The following RFX4 variants were observed in gnomAD, a reference collection of about 807,000 sequenced individuals.
RFX4 encodes the protein regulatory factor X4, also known as transcription factor RFX4.
RFX4 carries 10 observed loss-of-function variants against 95.0 expected under a neutral mutation model. The observed-to-expected ratio is 0.11, with a 90% CI of 0.06 to 0.18. RFX4 has a LOEUF of 0.18. RFX4 is among the 10% of genes least tolerant of loss of function. RFX4 has a pLI of 1.00. For missense variants in RFX4, 640 were observed against 922.0 expected (o/e 0.69, Z 3.96); for synonymous variants, 321 against 340.7 (o/e 0.94, Z 0.64).
intron 2 of RFX4, among the ~76,000 whole-genome samples, chr12:106,631,501 G>A (rs2040415349): frequency 6.6e-6 from 1 of 152,168 alleles, no homozygotes; most frequent in South Asian, 2.1e-4. Flanking sequence ...ATGAGGCTTT[G>A]GGGAAGGGTT....
chr12:106,720,788 G>T lies in RFX4; in HGVS notation c.1263G>T (p.Lys421Asn). 6.2e-7 allele frequency: 1 copy of T among 1,613,990 alleles called. No homozygotes were observed. Among genetic ancestry groups the T allele is most frequent in the Non-Finnish European group, 8.5e-7 (1 of 1,180,050 alleles). The stretch of plus-strand genomic sequence containing the variant: ...CTGCCAAGAGACAAGGGTCCTTGAA[G>T]AAAGTGGCCCAGCAGTTCCTCTTGA... ...KVAAKRQGSL[K>N]KVAQQFLLMW... is the part of the protein sequence containing the mutation. Residue 421 changes from lysine (K) to asparagine (N), a missense_variant, in exon 13 of 18, where the codon AAG becomes AAT. This residue lies in a region of RFX4 where 72 missense variants were observed against 80.5 expected (regional missense o/e 0.89). Coordinates refer to ENST00000392842, the MANE Select transcript of RFX4 (RefSeq NM_213594.3). This position sits in a 1 kb window ranked among gnomAD's most constrained non-coding sequence, Gnocchi z 4.2.
chr12:106,705,909 G>C (rs927513220), intron 8 of RFX4, among the ~76,000 whole-genome samples: 13 of 152,180 alleles, frequency 8.5e-5, no homozygotes, highest in Non-Finnish European at 4.4e-5. Context: ...AACAGACATA[G>C]TCCCTGCCCT....
intron 2 of RFX4, among the ~76,000 whole-genome samples, chr12:106,612,072 G>A (rs1037293578): frequency 6.6e-6 from 1 of 152,068 alleles, no homozygotes; most frequent in African/African-American, 2.4e-5. Context: ...TTTCAAGATT[G>A]TTTTGGCTAT....
chr12:106,625,977 C>T (rs1484996748), intron 2 of RFX4, among the ~76,000 whole-genome samples: 1 of 152,156 alleles, frequency 6.6e-6, no homozygotes, highest in Non-Finnish European at 1.5e-5. Flanking sequence ...ACTACATAAA[C>T]TGTCTTTTCC....
chr12:106,684,902 C>T (rs759924059), intron 5 of RFX4: 114 of 1,613,228 alleles, frequency 7.1e-5, no homozygotes, highest in Middle Eastern at 1.7e-4. Flanking sequence ...AGAAATATCA[C>T]GGAATGGTAT....
At chr12:106,687,145 T>G in intron 6 of RFX4, 48 bp downstream of exon 6, 1 of 1,277,336 alleles carries the variant, frequency 7.8e-7, no homozygotes, top group Non-Finnish European at 1.1e-6. Flanking sequence ...TTCTCTCTCT[T>G]TCTCTCTCTC....
intron 5 of RFX4, 34 bp downstream of exon 5, chr12:106,682,088 G>A (rs377144638): frequency 6.6e-5 from 107 of 1,609,648 alleles, no homozygotes; most frequent in Non-Finnish European, 8.2e-5. Context: ...CCTGCAGAGC[G>A]CACATCTATG....
At chr12:106,627,814 G>T (rs1313040181) in intron 2 of RFX4, among the ~76,000 whole-genome samples, 1 of 152,230 alleles carries the variant, frequency 6.6e-6, no homozygotes, top group Non-Finnish European at 1.5e-5. Flanking sequence ...TCCAGGAGAA[G>T]AAGGAAGTTC....
chr12:106,684,811 A>C (rs2041606416), intron 5 of RFX4: 6 of 1,553,416 alleles, frequency 3.9e-6, no homozygotes, highest in Non-Finnish European at 5.2e-6. Context: ...CCATACTGGC[A>C]AAATGAACTG....
At chr12:106,629,484 T>C (rs1337844976) in intron 2 of RFX4, among the ~76,000 whole-genome samples, 1 of 152,026 alleles carries the variant, frequency 6.6e-6, no homozygotes, top group African/African-American at 2.4e-5. Flanking sequence ...TTTGTTTTGT[T>C]TTGTTTTTGT....
At chr12:106,725,289 C>T (rs747290729) in intron 13 of RFX4, among the ~76,000 whole-genome samples, 1 of 152,106 alleles carries the variant, frequency 6.6e-6, no homozygotes, top group South Asian at 2.1e-4. Flanking sequence ...CCCAAGCCTA[C>T]CATGAGTCAA....
chr12:106,658,933 G>T (rs1394252993), intron 4 of RFX4, among the ~76,000 whole-genome samples: 1 of 152,148 alleles, frequency 6.6e-6, no homozygotes, highest in African/African-American at 2.4e-5. Context: ...CTGATTCTTA[G>T]AGATGCCCAG....
intron 2 of RFX4, 51 bp downstream of exon 2, chr12:106,608,934 C>T (rs1163934057): frequency 6.5e-7 from 1 of 1,533,360 alleles, no homozygotes; most frequent in East Asian, 2.2e-5. Context: ...TGGCCAATGT[C>T]CTGATGGGAG....
intron 8 of RFX4, among the ~76,000 whole-genome samples, chr12:106,704,730 G>T (rs543003462): frequency 6.6e-6 from 1 of 152,136 alleles, no homozygotes; most frequent in Non-Finnish European, 1.5e-5. Flanking sequence ...TCAAACTGGG[G>T]TTTTTCACTT....
intron 4 of RFX4, among the ~76,000 whole-genome samples, chr12:106,658,934 A>T (rs1441303753): frequency 6.6e-6 from 1 of 152,178 alleles, no homozygotes; most frequent in African/African-American, 2.4e-5. Context: ...TGATTCTTAG[A>T]GATGCCCAGA....
rs1040425105 is a variant in RFX4 at position 106,737,747 on chromosome 12, G to T, written c.1633+4662G>T. On this transcript the variant is annotated intron_variant, in intron 15 of 17. Transcript: ENST00000392842. ...GGATTCTTCAAAGTATTGAAAAGCT[G>T]GGTTGTTGATAAATGGCATTAGATC... Among the ~76,000 whole-genome samples the T allele has an allele frequency of 2.6e-5, 4 of 152,124 alleles. No homozygotes were observed. The East Asian group carries it at 7.7e-4, about 29-fold the overall frequency.
intron 15 of RFX4, among the ~76,000 whole-genome samples, chr12:106,739,700 C>T (rs185204793): frequency 2.6e-4 from 40 of 152,194 alleles, no homozygotes; most frequent in African/African-American, 8.9e-4. Context: ...GTTGGGTTTA[C>T]GGCAATGTCA....
chr12:106,730,170 C>G (rs1000226939), intron 13 of RFX4, among the ~76,000 whole-genome samples: 11 of 152,152 alleles, frequency 7.2e-5, no homozygotes, highest in Admixed American at 5.9e-4. Flanking sequence ...TCCTCTCTAG[C>G]CTTTCTAGAC....
chr12:106,632,726 C>T (rs887709944), intron 2 of RFX4, among the ~76,000 whole-genome samples: 1 of 152,126 alleles, frequency 6.6e-6, no homozygotes, highest in African/African-American at 2.4e-5. Context: ...GCCATGTTGC[C>T]CAGGCTGGTC....
Sources: gnomAD v4.1 joint callset for allele counts (sites outside exome capture counted in the v4.1 genomes callset) on GRCh38, gnomAD v4.1.1 for gene constraint, gnomAD v4.1.1 regional missense constraint, Gnocchi (gnomAD v3.1) non-coding constraint, MANE v1.5 for transcripts, NCBI Gene and HGNC (gene_info 2026-07-23, HGNC 2026-07-21) for gene names.